TLCD4: variants seen among roughly 807,000 people sequenced by gnomAD.
TLCD4 encodes TLC domain containing 4, also known as TLC domain-containing protein 4.
Under a neutral mutation model 24.2 loss-of-function variants are expected in TLCD4, and 7 were observed. The observed-to-expected ratio is 0.29, with a 90% confidence interval of 0.16 to 0.54. The LOEUF (loss-of-function observed/expected upper bound fraction) is 0.54. Ranked by LOEUF, TLCD4 falls within the 20% of genes least tolerant of loss-of-function variation. The probability of loss-of-function intolerance (pLI) is 0.95; values close to 1 mark genes in which losing one functional copy is unlikely to be tolerated. For missense variants in TLCD4, 259 were observed against 313.9 expected, an observed-to-expected ratio of 0.82 and a Z score of 1.32; for synonymous variants, 103 against 106.4, an observed-to-expected ratio of 0.97 and a Z score of 0.20.
At chr1:95,136,253 TG>T (rs1215596369) in intron 1 of TLCD4, among the ~76,000 whole-genome samples, 1 of 152,118 alleles carries the variant, frequency 6.6e-6, no homozygotes, top group Non-Finnish European at 1.5e-5. Flanking sequence ...TGTTTTTTTT[TG>T]TGTGTGTTTA....
intron 1 of TLCD4, among the ~76,000 whole-genome samples, chr1:95,127,002 G>A (rs1676756982): frequency 6.6e-6 from 1 of 152,190 alleles, no homozygotes; most frequent in Non-Finnish European, 1.5e-5. Flanking sequence ...GTGACTGCAT[G>A]TACTAGGAAC....
upstream of TLCD4, among the ~76,000 whole-genome samples, chr1:95,116,794 T>C (rs78209808): frequency 2.8e-3 from 422 of 152,260 alleles, 6 homozygotes; most frequent in Admixed American, 0.02. Context: ...GTAGTGCTGG[T>C]GCACCCATGA....
intron 1 of TLCD4, among the ~76,000 whole-genome samples, chr1:95,121,389 G>A (rs547051557): frequency 1.4e-4 from 22 of 152,318 alleles, no homozygotes; most frequent in African/African-American, 4.1e-4. Context: ...CAGAAGCAGC[G>A]GATGGAATGT....
chr1:95,097,822 A>G, the TLCD4 span, among the ~76,000 whole-genome samples: 1 of 152,188 alleles, frequency 6.6e-6, no homozygotes, highest in African/African-American at 2.4e-5. Flanking sequence ...ACTTCATGCC[A>G]TTCCTGAAAT....
At position 95,160,323 on chromosome 1, in the gene TLCD4, A is replaced by G. The variant is rs558406416; in HGVS notation, c.399+8904A>G. Among the ~76,000 whole-genome samples, 7 of 152,308 alleles carry G rather than the reference A, an allele frequency of 4.6e-5. No homozygotes were observed. In the South Asian group the frequency reaches 1.4e-3, roughly 32 times the overall value. Reference sequence around the variant, plus strand: ...TTCTCTGTTTGTCTGTTATTGGTGTATAGGAATGCTTGCGATTTTTGCACA... The same window carrying G: ...TTCTCTGTTTGTCTGTTATTGGTGTGTAGGAATGCTTGCGATTTTTGCACA... On this transcript the variant is annotated intron_variant, in intron 5 of 6. Coordinates refer to ENST00000370203, the MANE Select transcript of TLCD4 (RefSeq NM_152487.3).
At chr1:95,092,594 G>T in the TLCD4 span, among the ~76,000 whole-genome samples, 2 of 152,180 alleles carry the variant, frequency 1.3e-5, no homozygotes, top group African/African-American at 4.8e-5. Flanking sequence ...TTTATGAGCT[G>T]TAACACTCAC....
At chr1:95,168,820 G>T (rs1678111361) in intron 5 of TLCD4, among the ~76,000 whole-genome samples, 1 of 152,176 alleles carries the variant, frequency 6.6e-6, no homozygotes, top group African/African-American at 2.4e-5. Flanking sequence ...CAGGCACTGT[G>T]TAAGGCTTTA....
In TLCD4 at chr1:95,158,193, T is replaced by C. The variant is rs906174212; in HGVS notation, c.399+6774T>C. 2.3e-4 allele frequency among the ~76,000 whole-genome samples: 35 copies of C among 149,414 alleles called. 1 individual carries two copies. Among genetic ancestry groups the C allele is most frequent in the Middle Eastern group, 6.9e-3 (2 of 288 alleles). ...CCCTTGATACTTAATTTTTTCTTTT[T>C]TTTTTTTTTTTTGAGACAGAGTCTC... On this transcript the variant is annotated intron_variant, in intron 5 of 6. Coordinates refer to ENST00000370203, the MANE Select transcript of TLCD4 (RefSeq NM_152487.3).
intron 5 of TLCD4, among the ~76,000 whole-genome samples, chr1:95,153,044 C>G (rs58021105): frequency 0.034 from 5,112 of 151,834 alleles, 237 homozygotes; most frequent in African/African-American, 0.1. Context: ...CATCAATTTC[C>G]AAGCCCACCA....
At chr1:95,170,168 T>C (rs928559235) in intron 5 of TLCD4, among the ~76,000 whole-genome samples, 4 of 151,976 alleles carry the variant, frequency 2.6e-5, no homozygotes, top group Non-Finnish European at 5.9e-5. Context: ...TTAGGAAAAA[T>C]AGATCAGAAG....
At position 95,156,329 on chromosome 1, in the gene TLCD4, C is replaced by CT. The variant is rs1677635447; in HGVS notation, c.399+4912dup. 2.0e-5 allele frequency among the ~76,000 whole-genome samples: 3 copies of CT among 152,060 alleles called. No individual in the cohort carries two copies. The South Asian group carries it at 6.2e-4, about 31-fold the overall frequency. ...GAAAGTCACTGAGGAGATGTCAGAT[C>CT]TTCATGGGTGATACTGAGGACTTGG... On this transcript the variant is annotated intron_variant, in intron 5 of 6. Coordinates refer to ENST00000370203, the MANE Select transcript of TLCD4 (RefSeq NM_152487.3).
chr1:95,183,793 G>A (rs570796432), intron 6 of TLCD4, among the ~76,000 whole-genome samples: 2 of 152,054 alleles, frequency 1.3e-5, no homozygotes, highest in East Asian at 1.9e-4. Flanking sequence ...AGCCGAGATC[G>A]CACCACTGCA....
chr1:95,188,544 C>T (rs1678912656), intron 6 of TLCD4, among the ~76,000 whole-genome samples: 1 of 152,014 alleles, frequency 6.6e-6, no homozygotes, highest in South Asian at 2.1e-4. Flanking sequence ...AGATTTGTTT[C>T]TTCTCCCCTA....
chr1:95,179,620 A>T (rs1253151722), intron 6 of TLCD4, among the ~76,000 whole-genome samples: 1 of 152,258 alleles, frequency 6.6e-6, no homozygotes, highest in Non-Finnish European at 1.5e-5. Context: ...TTCACAATAA[A>T]GAAATATATG....
the TLCD4 span, among the ~76,000 whole-genome samples, chr1:95,104,235 A>G: frequency 1.3e-4 from 20 of 152,230 alleles, no homozygotes; most frequent in Non-Finnish European, 2.8e-4. Flanking sequence ...ACAAGCTGAG[A>G]ACAATGGGAA....
intron 1 of TLCD4, among the ~76,000 whole-genome samples, chr1:95,118,659 C>T (rs558477917): frequency 6.6e-6 from 1 of 152,220 alleles, no homozygotes; most frequent in East Asian, 1.9e-4. Flanking sequence ...GAGTTACTCC[C>T]GTGCCAGCGC....
intron 6 of TLCD4, among the ~76,000 whole-genome samples, chr1:95,183,037 A>G (rs1678702562): frequency 6.6e-6 from 1 of 152,154 alleles, no homozygotes; most frequent in Admixed American, 6.6e-5. Flanking sequence ...AGACAGTGAG[A>G]TTATAGTGGA....
At chr1:95,182,464 A>G (rs1260587535) in intron 6 of TLCD4, among the ~76,000 whole-genome samples, 2 of 152,164 alleles carry the variant, frequency 1.3e-5, no homozygotes, top group East Asian at 3.8e-4. Flanking sequence ...AATAAAAATA[A>G]TAAATAATTC....
In TLCD4 at chr1:95,150,216, C is replaced by T; in HGVS notation, c.254C>T (p.Pro85Leu). The change falls in exon 4 of 7, where the codon CCA (proline) becomes CTA (leucine). Residue 85 changes from proline (P) to leucine (L), a missense_variant. By Grantham distance (98) the Pro-to-Leu change is moderately conservative. Transcript: ENST00000370203. ...ATKADPLWGGPSLANVNIAIA... is the reference protein window; with the variant it reads ...ATKADPLWGGLSLANVNIAIA... The stretch of plus-strand genomic sequence containing the variant: ...CCTTTTTTTTTTTTCAGGGGTGGTC[C>T]ATCACTTGCAAACGTGAATATTGCT... 6.2e-7 allele frequency: 1 copy of T among 1,607,372 alleles called. No individual in the cohort carries two copies.
Sources: gnomAD v4.1 joint callset for allele counts (sites outside exome capture counted in the v4.1 genomes callset) on GRCh38, gnomAD v4.1.1 for gene constraint, MANE v1.5 for transcripts, NCBI Gene and HGNC (gene_info 2026-07-23, HGNC 2026-07-21) for gene names.